The following CDH18 variants were observed in gnomAD, a reference collection of about 807,000 sequenced individuals.
CDH18 encodes the protein cadherin 18, also known as cadherin-18.
CDH18 carries 31 observed loss-of-function variants against 67.9 expected under a neutral mutation model. The observed-to-expected ratio is 0.46, with a 90% CI of 0.34 to 0.62. The LOEUF (loss-of-function observed/expected upper bound fraction) is 0.62, where lower values mean the gene tolerates loss of function less well. CDH18 is among the 20% of genes least tolerant of loss of function. The probability of loss-of-function intolerance (pLI) is 0.01; values close to 1 mark genes in which losing one functional copy is unlikely to be tolerated. For synonymous variants in CDH18, 362 were observed against 347.2 expected (o/e 1.04, Z -0.48); for missense variants, 890 against 975.5 (o/e 0.91, Z 1.17).
intron 2 of CDH18, among the ~76,000 whole-genome samples, chr5:20,052,120 G>A (rs11740500): frequency 0.058 from 8,764 of 152,206 alleles, 279 homozygotes; most frequent in East Asian, 0.14. Flanking sequence ...AAATCTCTGA[G>A]TGGTTGAGTC....
chr5:19,991,533 G>C (rs1799977781), upstream of CDH18, among the ~76,000 whole-genome samples: 2 of 151,928 alleles, frequency 1.3e-5, no homozygotes, highest in Admixed American at 6.5e-5. Flanking sequence ...TAAAGCAATA[G>C]GAAATTTCTC....
At chr5:20,524,596 A>G (rs13179895) in intron 1 of CDH18, among the ~76,000 whole-genome samples, 63,822 of 152,048 alleles carry the variant, frequency 0.42, 14,608 homozygotes, top group East Asian at 0.56. Flanking sequence ...ATGTAGGTAT[A>G]TGTACATATC....
chr5:19,741,146 G>A (rs1769070967), intron 4 of CDH18, among the ~76,000 whole-genome samples: 1 of 55,986 alleles, frequency 1.8e-5, no homozygotes, highest in Non-Finnish European at 6.5e-5. Flanking sequence ...ACATGTATAT[G>A]TACATCTATG....
chr5:19,503,469 C>G (rs959004604), intron 10 of CDH18, among the ~76,000 whole-genome samples: 1 of 151,918 alleles, frequency 6.6e-6, no homozygotes, highest in Admixed American at 6.6e-5. Flanking sequence ...ATATAAATAT[C>G]CCAGTGTTGA....
At chr5:19,764,206 G>T (rs1772770567) in intron 3 of CDH18, among the ~76,000 whole-genome samples, 1 of 150,432 alleles carries the variant, frequency 6.6e-6, no homozygotes, top group East Asian at 2.0e-4. Flanking sequence ...GTACATATAT[G>T]CAAGGAGATT....
chr5:19,960,231 A>T (rs1046114351), intron 2 of CDH18, among the ~76,000 whole-genome samples: 6 of 152,122 alleles, frequency 3.9e-5, no homozygotes, highest in Non-Finnish European at 7.3e-5. Context: ...GTTTTAAATA[A>T]CAATTAGCTT....
At chr5:19,982,070 A>G (rs748548676) in intron 1 of CDH18, among the ~76,000 whole-genome samples, 4 of 152,200 alleles carry the variant, frequency 2.6e-5, no homozygotes, top group Non-Finnish European at 5.9e-5. Context: ...TTTAATATGC[A>G]ATTGGATTTT....
intron 1 of CDH18, among the ~76,000 whole-genome samples, chr5:20,303,277 G>T (rs550684893): frequency 1.3e-5 from 2 of 152,128 alleles, no homozygotes; most frequent in African/African-American, 4.8e-5. Context: ...TATATGATAA[G>T]CTACCAAATT....
intron 9 of CDH18, among the ~76,000 whole-genome samples, chr5:19,532,544 C>T (rs1748798797): frequency 6.6e-6 from 1 of 152,012 alleles, no homozygotes; most frequent in Non-Finnish European, 1.5e-5. Context: ...GTCATATTTT[C>T]ATTTATTTGG....
intron 1 of CDH18, among the ~76,000 whole-genome samples, chr5:20,452,899 A>G (rs1046486191): frequency 6.6e-6 from 1 of 152,170 alleles, no homozygotes; most frequent in Non-Finnish European, 1.5e-5. Flanking sequence ...ATGACTTGTT[A>G]TATGTGTATA....
chr5:20,116,362 A>G lies in CDH18; in HGVS notation c.-517-124348T>C, dbSNP rs192694052. Among the ~76,000 whole-genome samples the G allele has an allele frequency of 3.8e-3, 584 of 152,038 alleles. 3 individuals carry two copies. Among genetic ancestry groups the G allele is most frequent in the Non-Finnish European group, 5.3e-3 (359 of 67,958 alleles). On this transcript the variant is annotated intron_variant, in intron 2 of 14. Transcript: ENST00000507958. ...CCCATGTCTACTAAAAAATACAAAA[A>G]AAAATGTAGCCAGGCGTGGTGGTGG...
chr5:19,667,430 T>C, intron 5 of CDH18, among the ~76,000 whole-genome samples: 1 of 150,344 alleles, frequency 6.7e-6, no homozygotes, highest in Non-Finnish European at 1.5e-5. Context: ...TAAAAACATA[T>C]TTAAGCAATT....
chr5:20,493,359 A>T (rs938399065), intron 1 of CDH18, among the ~76,000 whole-genome samples: 2,154 of 40,946 alleles, frequency 0.053, 109 homozygotes, highest in African/African-American at 0.11. Flanking sequence ...AGAAAATTAA[A>T]AAAAAAAAAA....
intron 2 of CDH18, among the ~76,000 whole-genome samples, chr5:20,091,256 C>T (rs1209432900): frequency 6.6e-6 from 1 of 151,896 alleles, no homozygotes; most frequent in Non-Finnish European, 1.5e-5. Context: ...GAGGCTGAGT[C>T]CCAGGATCTC....
At chr5:19,988,632 A>G (rs1335784738), upstream of CDH18, among the ~76,000 whole-genome samples, 1 of 151,984 alleles carries the variant, frequency 6.6e-6, no homozygotes, top group East Asian at 1.9e-4. Flanking sequence ...GAGGGGTTTG[A>G]CTGTCAGATG....
chr5:20,318,529 T>C (rs78288727), intron 1 of CDH18, among the ~76,000 whole-genome samples: 5,864 of 152,126 alleles, frequency 0.039, 290 homozygotes, highest in African/African-American at 0.11. Flanking sequence ...CTGTTGGTAC[T>C]GTATAGTGAG....
At chr5:20,471,458 C>G (rs1462739185) in intron 1 of CDH18, among the ~76,000 whole-genome samples, 1 of 152,074 alleles carries the variant, frequency 6.6e-6, no homozygotes, top group African/African-American at 2.4e-5. Flanking sequence ...TGCTCACATT[C>G]CACATTGGTT....
chr5:20,113,865 T>C (rs1420815160), intron 2 of CDH18, among the ~76,000 whole-genome samples: 1 of 152,178 alleles, frequency 6.6e-6, no homozygotes, highest in Non-Finnish European at 1.5e-5. Context: ...GAGGATGAGC[T>C]TTATGAAAAA....
At chr5:19,531,002 G>A (rs1025255754) in intron 9 of CDH18, among the ~76,000 whole-genome samples, 4 of 152,108 alleles carry the variant, frequency 2.6e-5, no homozygotes, top group Admixed American at 1.3e-4. Flanking sequence ...AGATGAACCC[G>A]GTACCTCAGA....
Sources: allele counts gnomAD v4.1 joint callset (sites outside exome capture counted in the v4.1 genomes callset), GRCh38; gene constraint gnomAD v4.1.1; transcripts MANE v1.5; gene names NCBI Gene and HGNC (gene_info 2026-07-23, HGNC 2026-07-21).